CACNA1C: variants seen among roughly 807,000 people sequenced by gnomAD.
The protein encoded by CACNA1C is voltage-dependent L-type calcium channel subunit alpha-1C.
A neutral mutation model predicts 229.0 loss-of-function variants in CACNA1C; 30 were observed. The observed-to-expected ratio is 0.13, with a 90% CI of 0.10 to 0.18. The LOEUF is 0.18. Ranked by LOEUF, CACNA1C falls within the 10% of genes least tolerant of loss-of-function variation. CACNA1C has a pLI of 1.00. For synonymous variants in CACNA1C, 1,114 were observed against 1,132.5 expected (o/e 0.98, Z 0.33); for missense variants, 1,658 against 2,845.0 (o/e 0.58, Z 9.49).
At chr12:2,583,589 A>G (rs185483962) in intron 15 of CACNA1C, among the ~76,000 whole-genome samples, 1 of 152,298 alleles carries the variant, frequency 6.6e-6, no homozygotes, top group African/African-American at 2.4e-5. Flanking sequence ...AGTCCCAGCT[A>G]AGGCAGTGCA....
intron 3 of CACNA1C, among the ~76,000 whole-genome samples, chr12:2,283,845 T>C (rs1304370495): frequency 1.3e-5 from 2 of 152,228 alleles, no homozygotes; most frequent in Non-Finnish European, 2.9e-5. Context: ...CAGCAGCTAC[T>C]TGTGCTTCAT....
intron 3 of CACNA1C, among the ~76,000 whole-genome samples, chr12:2,252,205 C>T (rs1402607382): frequency 6.6e-6 from 1 of 152,194 alleles, no homozygotes; most frequent in Non-Finnish European, 1.5e-5. Context: ...CAATTAATAA[C>T]GATTTTTTTC....
intron 3 of CACNA1C, among the ~76,000 whole-genome samples, chr12:2,247,494 G>C (rs1358621296): frequency 6.6e-6 from 1 of 152,178 alleles, no homozygotes; most frequent in Non-Finnish European, 1.5e-5. Flanking sequence ...TTTTGTGATG[G>C]AGTGTCCCAG....
chr12:2,592,703 ATTTT>A lies in CACNA1C; in HGVS notation c.2531-492_2531-489del, dbSNP rs55789235. 7.5e-4 allele frequency among the ~76,000 whole-genome samples: 99 copies of A among 131,560 alleles called. 1 individual carries two copies. The highest frequency in any genetic ancestry group is 1.7e-3 in the African/African-American group (60 of 36,282). 86.3% of individuals were successfully genotyped at this position (131,560 alleles called of 152,430 possible). On this transcript the variant is annotated intron_variant, in intron 18 of 46. Transcript: ENST00000399655. ...GCCCTGTTATCTCGACAGCACATGA[ATTTT>A]TTTTTTTTTTTTTTTTTAGTTGCAG...
chr12:2,306,310 C>A (rs890392955), intron 3 of CACNA1C, among the ~76,000 whole-genome samples: 1 of 152,220 alleles, frequency 6.6e-6, no homozygotes, highest in Non-Finnish European at 1.5e-5. Context: ...GTGCGCTCTG[C>A]CGTCTGACAC....
In CACNA1C at chr12:2,647,425, G is replaced by A. The variant is rs115791636; in HGVS notation, c.3913-1050G>A. Among the ~76,000 whole-genome samples the A allele has an allele frequency of 0.012, 1,829 of 152,344 alleles. 33 individuals are homozygous for A. Among genetic ancestry groups the A allele is most frequent in the African/African-American group, 0.04 (1,670 of 41,580 alleles). ...TACCCCCAAATGAGTTCAGCAGTCA[G>A]ACCCGTGAGAACAGCTTCCTGGGGT... On this transcript the variant is annotated intron_variant, in intron 30 of 46. Coordinates refer to ENST00000399655, the MANE Select transcript of CACNA1C (RefSeq NM_000719.7). This position sits in a 1 kb window ranked among gnomAD's most constrained non-coding sequence, Gnocchi z 4.2.
In CACNA1C at chr12:2,692,329, T is replaced by C. The variant is rs1479962845; in HGVS notation, c.*1130T>C. On this transcript the variant is annotated 3_prime_UTR_variant, in exon 47 of 47. Transcript: ENST00000399655. ...TTTTTATGCTGGGTGTACAGGTGGG[T>C]TTGGGAGAGAGGAGCATGCGCGAGA... is the stretch of plus-strand genomic sequence containing the variant. The C allele has an allele frequency of 3.9e-5, 6 of 152,258 alleles. No individual in the cohort carries two copies. Among genetic ancestry groups the C allele is most frequent in the African/African-American group, 1.4e-4 (6 of 41,422 alleles). The allele number at this position is 152,258 out of a possible 1,614,324, so 9.4% of individuals were successfully genotyped here. A position where few individuals can be genotyped will look rare whatever the true frequency, so the allele number is the denominator to read the frequency against.
At position 2,639,454 on chromosome 12, in the gene CACNA1C, G is replaced by A. The variant is rs2093374164; in HGVS notation, c.3912+5074G>A. On this transcript the variant is annotated intron_variant, in intron 30 of 46. Transcript: ENST00000399655. This position sits in a 1 kb window ranked among gnomAD's most constrained non-coding sequence, Gnocchi z 4.2. ...TATACTGAACAATAGAAAGTGCTGG[G>A]CAGCCTGAATTCCTGCATTATGGAC... 6.6e-6 allele frequency among the ~76,000 whole-genome samples: 1 copy of A among 152,158 alleles called. No homozygotes were observed. The highest frequency in any genetic ancestry group is 2.4e-5 in the African/African-American group (1 of 41,432).
chr12:2,567,337 GT>G (rs1568467585), intron 12 of CACNA1C, among the ~76,000 whole-genome samples: 2 of 152,224 alleles, frequency 1.3e-5, no homozygotes, highest in Admixed American at 6.5e-5. Context: ...GAGATTGTGT[GT>G]GCTGAGCCTA....
At chr12:2,093,639 T>C (rs527303970) in intron 1 of CACNA1C, among the ~76,000 whole-genome samples, 1 of 152,344 alleles carries the variant, frequency 6.6e-6, no homozygotes, top group East Asian at 1.9e-4. Context: ...AGGTGGTGGC[T>C]GCTCCTTTCC....
intron 1 of CACNA1C, among the ~76,000 whole-genome samples, chr12:2,095,996 G>A (rs1245730033): frequency 6.6e-6 from 1 of 152,170 alleles, no homozygotes; most frequent in Non-Finnish European, 1.5e-5. Context: ...CATACTGGCT[G>A]TGTGCCAGGC....
chr12:2,440,692 C>T (rs1005881259), intron 3 of CACNA1C, among the ~76,000 whole-genome samples: 4 of 152,196 alleles, frequency 2.6e-5, no homozygotes, highest in Non-Finnish European at 5.9e-5. Context: ...CGTGCTTCAG[C>T]AGAAGGAATG....
chr12:2,404,674 A>G (rs369472512), intron 3 of CACNA1C, among the ~76,000 whole-genome samples: 1 of 152,240 alleles, frequency 6.6e-6, no homozygotes, highest in East Asian at 1.9e-4. Flanking sequence ...CCAGAAGATC[A>G]AGTGGCCAAG....
intron 1 of CACNA1C, among the ~76,000 whole-genome samples, chr12:2,066,891 G>C (rs190245744): frequency 6.6e-5 from 10 of 152,226 alleles, no homozygotes; most frequent in Admixed American, 2.6e-4. Flanking sequence ...GGGCAGGGGT[G>C]CTGAATCCTG....
intron 3 of CACNA1C, among the ~76,000 whole-genome samples, chr12:2,268,700 G>C (rs963293359): frequency 3.3e-5 from 5 of 152,154 alleles, no homozygotes; most frequent in Admixed American, 6.5e-5. Context: ...ACCAAACCAC[G>C]GGAAGGGCTC....
At chr12:2,422,330 C>T (rs2098987498) in intron 3 of CACNA1C, among the ~76,000 whole-genome samples, 3 of 152,180 alleles carry the variant, frequency 2.0e-5, no homozygotes, top group African/African-American at 7.2e-5. Context: ...AAATAACCCA[C>T]GGAGGGCAGA....
At chr12:2,135,754 CT>C (rs1332692390) in intron 3 of CACNA1C, among the ~76,000 whole-genome samples, 1 of 146,534 alleles carries the variant, frequency 6.8e-6, no homozygotes, top group Admixed American at 6.7e-5. Context: ...TTACTGCTGT[CT>C]TTTTGTTTGT....
At chr12:2,667,317 A>ACTCCACGCTCC (rs1556002384) in intron 37 of CACNA1C, among the ~76,000 whole-genome samples, 241 of 151,842 alleles carry the variant, frequency 1.6e-3, no homozygotes, top group African/African-American at 5.2e-3. Flanking sequence ...CACCGTGGCC[A>ACTCCACGCTCC]TTCCGTGCTC....
In CACNA1C at chr12:2,688,494, C is replaced by T. The variant is rs966954620; in HGVS notation, c.5832C>T (p.Ser1944=). The change falls in exon 46 of 47, where the codon TCC becomes TCT. Residue 1944 remains serine, a synonymous_variant. Coordinates refer to ENST00000399655, the MANE Select transcript of CACNA1C (RefSeq NM_000719.7). ...GLSPLLQRSH[S]PASFPRPFAT... ...GCCCCCTCCTCCAGAGAAGCCATTC[C>T]CCTGCCTCATTCCCTAGGCCTTTTG... 1.9e-6 allele frequency: 3 copies of T among 1,613,772 alleles called. No homozygotes were observed. In the African/African-American group the frequency reaches 4.0e-5, roughly 22 times the overall value.
Sources: allele counts gnomAD v4.1 joint callset (sites outside exome capture counted in the v4.1 genomes callset), GRCh38; gene constraint gnomAD v4.1.1; non-coding constraint Gnocchi (gnomAD v3.1); transcripts MANE v1.5; gene names NCBI Gene and HGNC (gene_info 2026-07-23, HGNC 2026-07-21).